The following IQGAP2 variants were observed in gnomAD, a reference collection of about 807,000 sequenced individuals.
The protein encoded by IQGAP2 is IQ motif containing GTPase activating protein 2.
IQGAP2 carries 173 observed loss-of-function variants against 201.3 expected under a neutral mutation model. The observed-to-expected ratio is 0.86, with a 90% CI of 0.76 to 0.98. The LOEUF is 0.98. Among genes scored for constraint, IQGAP2 ranks in the 50% least tolerant of loss-of-function variants. The probability of loss-of-function intolerance (pLI) is 0.00; values close to 1 mark genes in which losing one functional copy is unlikely to be tolerated. For missense variants in IQGAP2, 1,687 were observed against 1,864.8 expected (o/e 0.90, Z 1.76); for synonymous variants, 675 against 673.9 (o/e 1.00, Z -0.03).
chr5:76,610,094 ATATATATATATATATATATATTTTTTTTT>A (rs1748192495), intron 12 of IQGAP2, among the ~76,000 whole-genome samples: 3 of 10,100 alleles, frequency 3.0e-4, no homozygotes, highest in Admixed American at 2.6e-3. Flanking sequence ...ATATATATAT[ATATATATATATATATATATATTTTTTTTT>A]TTTTTTTTTT....
intron 27 of IQGAP2, among the ~76,000 whole-genome samples, chr5:76,675,092 C>T (rs1215642542): frequency 1.3e-5 from 2 of 152,144 alleles, no homozygotes; most frequent in East Asian, 1.9e-4. Context: ...AAAAGTTTTC[C>T]GGTGAGGAAG....
chr5:76,618,171 C>T, intron 13 of IQGAP2: 3 of 1,614,158 alleles, frequency 1.9e-6, no homozygotes, highest in Non-Finnish European at 2.5e-6. Flanking sequence ...CAGAATGGAG[C>T]AGTACATGTT....
intron 27 of IQGAP2, 32 bp from the exon 28 acceptor site, chr5:76,677,186 G>A: frequency 6.3e-7 from 1 of 1,598,104 alleles, no homozygotes; most frequent in Non-Finnish European, 8.5e-7. Context: ...ACATGTTTGA[G>A]TCTGTCTTAA....
intron 2 of IQGAP2, among the ~76,000 whole-genome samples, chr5:76,518,900 T>G (rs150078541): frequency 3.9e-5 from 6 of 152,296 alleles, no homozygotes; most frequent in African/African-American, 1.4e-4. Context: ...GTTTCAAGTT[T>G]TTGGCTTGTG....
At chr5:76,531,142 A>G (rs1044985483) in intron 2 of IQGAP2, among the ~76,000 whole-genome samples, 3 of 152,228 alleles carry the variant, frequency 2.0e-5, no homozygotes, top group African/African-American at 7.2e-5. Flanking sequence ...GTTAGGGCCC[A>G]GTCTCTCTGC....
intron 18 of IQGAP2, among the ~76,000 whole-genome samples, chr5:76,653,379 A>G (rs1752666877): frequency 6.6e-6 from 1 of 152,034 alleles, no homozygotes; most frequent in African/African-American, 2.4e-5. Flanking sequence ...GGAAATCTAC[A>G]ACTTGGAGAT....
chr5:76,410,388 T>C (rs1751044710), intron 1 of IQGAP2, among the ~76,000 whole-genome samples: 1 of 152,176 alleles, frequency 6.6e-6, no homozygotes, highest in African/African-American at 2.4e-5. Flanking sequence ...TGTACCTTCT[T>C]GTTCTTTGAG....
intron 11 of IQGAP2, among the ~76,000 whole-genome samples, chr5:76,605,007 C>T (rs779410509): frequency 1.3e-5 from 2 of 152,106 alleles, no homozygotes; most frequent in Non-Finnish European, 2.9e-5. Context: ...AGAGACTATT[C>T]AGAATTCAAA....
Position 76,673,948 on chromosome 5 carries a change from G to C in IQGAP2, c.3210-4G>C, listed in dbSNP as rs1270289852. 6.6e-7 allele frequency: 1 copy of C among 1,514,190 alleles called. No homozygotes were observed. The highest frequency in any genetic ancestry group is 9.2e-7 in the Non-Finnish European group (1 of 1,091,156). The allele number at this position is 1,514,190 out of a possible 1,614,324, so 93.8% of individuals were successfully genotyped here. On this transcript the variant is annotated splice_region_variant and splice_polypyrimidine_tract_variant and intron_variant, in intron 25 of 35. Transcript: ENST00000274364. ...TTTTCTTTTGTCATCTGTTTTATATGTAGTTATGGATTGAGGTATATAGCC... is the reference window on the plus strand; with the variant it reads ...TTTTCTTTTGTCATCTGTTTTATATCTAGTTATGGATTGAGGTATATAGCC...
At chr5:76,557,013 C>A (rs1743997097) in intron 2 of IQGAP2, among the ~76,000 whole-genome samples, 1 of 152,144 alleles carries the variant, frequency 6.6e-6, no homozygotes, top group South Asian at 2.1e-4. Context: ...TCTACTCAAC[C>A]CTGACAGTGA....
intron 2 of IQGAP2, among the ~76,000 whole-genome samples, chr5:76,549,236 A>G (rs1743285645): frequency 6.6e-6 from 1 of 152,134 alleles, no homozygotes; most frequent in Non-Finnish European, 1.5e-5. Context: ...ATTAGGAAAC[A>G]GACTCAGATT....
At position 76,553,084 on chromosome 5, in the gene IQGAP2, C is replaced by T. The variant is rs192959466; in HGVS notation, c.147-9312C>T. ...TTTAGTTTTGCAGGGTGGGTTCCTA[C>T]AGCCACGTTCCCCTGGGCTAATAAG... On this transcript the variant is annotated intron_variant, in intron 2 of 35. Coordinates refer to ENST00000274364, the MANE Select transcript of IQGAP2 (RefSeq NM_006633.5). Among the ~76,000 whole-genome samples the T allele has an allele frequency of 1.8e-3, 273 of 152,312 alleles. 1 individual carries two copies. Among genetic ancestry groups the T allele is most frequent in the African/African-American group, 6.4e-3 (264 of 41,560 alleles).
intron 31 of IQGAP2, 23 bp downstream of exon 31, chr5:76,693,465 A>G: frequency 7.1e-7 from 1 of 1,401,582 alleles, no homozygotes; most frequent in South Asian, 1.2e-5. Context: ...TAAGTGTAAA[A>G]TAATAATAGA....
chr5:76,535,361 C>T (rs1335888069), intron 2 of IQGAP2, among the ~76,000 whole-genome samples: 1 of 152,078 alleles, frequency 6.6e-6, no homozygotes, highest in East Asian at 1.9e-4. Context: ...AGAGTAAAAG[C>T]CCTGTAAGGT....
At chr5:76,591,359 G>C (rs751583639) in intron 8 of IQGAP2, among the ~76,000 whole-genome samples, 1 of 149,592 alleles carries the variant, frequency 6.7e-6, no homozygotes, top group African/African-American at 2.4e-5. Flanking sequence ...TTATATTTGA[G>C]GATGTCCCTC....
intron 1 of IQGAP2, among the ~76,000 whole-genome samples, chr5:76,405,838 C>G (rs1038658789): frequency 5.3e-5 from 8 of 152,076 alleles, no homozygotes; most frequent in African/African-American, 1.7e-4. Flanking sequence ...TGTGCTTTTT[C>G]TTGTTTATTG....
intron 20 of IQGAP2, 119 bp downstream of exon 20, chr5:76,655,122 G>T: frequency 1.5e-6 from 1 of 680,586 alleles, no homozygotes; most frequent in Non-Finnish European, 2.5e-6. Context: ...ATTGTTTCCA[G>T]TAGATTTTGA....
chr5:76,535,561 G>A (rs1348322748), intron 2 of IQGAP2, among the ~76,000 whole-genome samples: 1 of 152,340 alleles, frequency 6.6e-6, no homozygotes, highest in Non-Finnish European at 1.5e-5. Flanking sequence ...ATGGGACCCT[G>A]TGTGATTGCT....
intron 30 of IQGAP2, among the ~76,000 whole-genome samples, chr5:76,689,223 G>A (rs1453830885): frequency 2.5e-5 from 2 of 79,936 alleles, no homozygotes; most frequent in East Asian, 2.6e-4. Context: ...CCAAGCACAG[G>A]GATATTTAAA....
Sources: allele counts gnomAD v4.1 joint callset (sites outside exome capture counted in the v4.1 genomes callset), GRCh38; gene constraint gnomAD v4.1.1; transcripts MANE v1.5; gene names NCBI Gene and HGNC (gene_info 2026-07-23, HGNC 2026-07-21).